The following GRIA2 variants were observed in gnomAD, a reference collection of about 807,000 sequenced individuals.
The protein encoded by GRIA2 is glutamate receptor 2.
Under a neutral mutation model 97.3 loss-of-function variants are expected in GRIA2, and 14 were observed. The ratio of observed to expected loss-of-function variants is 0.14; its 90% CI spans 0.10 to 0.23. The LOEUF (loss-of-function observed/expected upper bound fraction) is 0.23. GRIA2 is among the 10% of genes least tolerant of loss of function. GRIA2 has a pLI of 1.00. For synonymous variants in GRIA2, 412 were observed against 387.8 expected (o/e 1.06, Z -0.73); for missense variants, 558 against 1,069.8 (o/e 0.52, Z 6.67).
intron 2 of GRIA2, among the ~76,000 whole-genome samples, chr4:157,243,939 C>T (rs1356352384): frequency 6.6e-6 from 1 of 150,688 alleles, no homozygotes; most frequent in Non-Finnish European, 1.5e-5. Context: ...GAAAAAAAAG[C>T]AGAAAAAAAA....
chr4:157,298,716 A>T (rs62331544), intron 2 of GRIA2, among the ~76,000 whole-genome samples: 11,004 of 147,652 alleles, frequency 0.075, 513 homozygotes, highest in Non-Finnish European at 0.1. Context: ...AACATAGTAG[A>T]TAAAATTCCG....
intron 2 of GRIA2, among the ~76,000 whole-genome samples, chr4:157,279,466 A>G (rs1732496055): frequency 6.6e-6 from 1 of 152,156 alleles, no homozygotes; most frequent in Non-Finnish European, 1.5e-5. Flanking sequence ...GGCAAAGTAC[A>G]GAGAATTTTT....
rs528147969 is a variant in GRIA2, at chr4:157,321,041, A to G, written c.721-397A>G. ...TTCAAACAGGAGTAACTTGCTCACAAGGTTGTAGTTCTTCGAGAACTACTT... is the reference window on the plus strand; with the variant it reads ...TTCAAACAGGAGTAACTTGCTCACAGGGTTGTAGTTCTTCGAGAACTACTT... On this transcript the variant is annotated intron_variant, in intron 5 of 15. Transcript: ENST00000264426. Among the ~76,000 whole-genome samples, 38 of 152,286 alleles carry G rather than the reference A, an allele frequency of 2.5e-4. 1 individual carries two copies. In the East Asian group the frequency reaches 7.1e-3, roughly 29 times the overall value.
At chr4:157,315,110 T>C (rs28631667) in intron 4 of GRIA2, among the ~76,000 whole-genome samples, 375 of 152,314 alleles carry the variant, frequency 2.5e-3, no homozygotes, top group African/African-American at 8.6e-3. Flanking sequence ...ATTTATTTGT[T>C]CAGTAAATAT....
At chr4:157,263,078 G>A (rs960187997) in intron 2 of GRIA2, among the ~76,000 whole-genome samples, 1 of 152,148 alleles carries the variant, frequency 6.6e-6, no homozygotes, top group Non-Finnish European at 1.5e-5. Context: ...GGTAAGCTAC[G>A]AATAGCAGGA....
At chr4:157,321,772 C>T (rs1229148075) in intron 6 of GRIA2, among the ~76,000 whole-genome samples, 173 bp downstream of exon 6, 1 of 152,078 alleles carries the variant, frequency 6.6e-6, no homozygotes, top group Non-Finnish European at 1.5e-5. Flanking sequence ...TTAAGTAAAG[C>T]TATTAGAGCT....
At chr4:157,362,267 A>C (rs1395062014) in intron 14 of GRIA2, 4 of 392,618 alleles carry the variant, frequency 1.0e-5, no homozygotes, top group East Asian at 7.3e-5. Context: ...ATTGCAGGAT[A>C]ACTTCCTGAA....
chr4:157,274,827 T>C (rs1732209696), intron 2 of GRIA2, among the ~76,000 whole-genome samples: 1 of 152,024 alleles, frequency 6.6e-6, no homozygotes, highest in Admixed American at 6.6e-5. Context: ...GCAATAAACA[T>C]ACGTATGCAT....
chr4:157,299,135 G>T (rs778830512), intron 2 of GRIA2, among the ~76,000 whole-genome samples: 7 of 152,096 alleles, frequency 4.6e-5, no homozygotes, highest in Non-Finnish European at 7.4e-5. Context: ...GAAAGGGAAA[G>T]AATTTTAAGA....
intron 4 of GRIA2, among the ~76,000 whole-genome samples, chr4:157,313,490 G>C (rs1042672230): frequency 6.6e-6 from 1 of 152,080 alleles, no homozygotes; most frequent in Non-Finnish European, 1.5e-5. Flanking sequence ...ACTGACACCA[G>C]TGATAAGGAT....
intron 2 of GRIA2, among the ~76,000 whole-genome samples, chr4:157,278,161 A>G (rs1044381054): frequency 1.3e-4 from 20 of 151,678 alleles, no homozygotes; most frequent in Non-Finnish European, 2.8e-4. Context: ...AGAATTGCCA[A>G]CACAATATTA....
chr4:157,327,664 T>C (rs1734864801), intron 6 of GRIA2, among the ~76,000 whole-genome samples: 1 of 152,130 alleles, frequency 6.6e-6, no homozygotes, highest in South Asian at 2.1e-4. Flanking sequence ...TTGTTCAACT[T>C]TTGTGTCTTC....
intron 2 of GRIA2, among the ~76,000 whole-genome samples, chr4:157,275,568 G>A (rs1560741791): frequency 6.6e-6 from 1 of 152,110 alleles, no homozygotes; most frequent in Non-Finnish European, 1.5e-5. Flanking sequence ...AAGGGATCCA[G>A]TTTCAGCTTT....
chr4:157,284,708 A>T (rs1732760837), intron 2 of GRIA2, among the ~76,000 whole-genome samples: 1 of 151,728 alleles, frequency 6.6e-6, no homozygotes, highest in Non-Finnish European at 1.5e-5. Flanking sequence ...TTATGCAAGC[A>T]GATTGACTAT....
At chr4:157,251,970 G>A (rs1238605360) in intron 2 of GRIA2, among the ~76,000 whole-genome samples, 1 of 152,044 alleles carries the variant, frequency 6.6e-6, no homozygotes, top group East Asian at 1.9e-4. Context: ...TCAAGACATA[G>A]TTTGCCTTTT....
In GRIA2 at chr4:157,361,078, G is replaced by A; in HGVS notation, c.2360G>A (p.Trp787Ter). 6.2e-7 allele frequency: 1 copy of A among 1,613,732 alleles called. No individual in the cohort carries two copies. Among genetic ancestry groups the A allele is most frequent in the Non-Finnish European group, 8.5e-7 (1 of 1,179,672 alleles). Reference sequence around the variant, plus strand: ...CTGTTGGACAAATTGAAAAACAAATGGTGGTACGACAAAGGAGAGTGCGGC... The same window carrying A: ...CTGTTGGACAAATTGAAAAACAAATAGTGGTACGACAAAGGAGAGTGCGGC... ...QGLLDKLKNK[W>*]WYDKGECGSG... The change falls in exon 14 of 16, where the codon TGG (tryptophan) becomes TAG (stop). Residue 787 changes from tryptophan to a stop codon, truncating the protein, a stop_gained. Transcript: ENST00000264426. LOFTEE classifies it high-confidence loss of function. This position sits in a 1 kb window ranked among gnomAD's most constrained non-coding sequence, Gnocchi z 5.2.
chr4:157,318,186 T>A (rs930524689), intron 5 of GRIA2, among the ~76,000 whole-genome samples: 2 of 152,094 alleles, frequency 1.3e-5, no homozygotes, highest in African/African-American at 4.8e-5. Flanking sequence ...CTCAAAAATA[T>A]TTAAAGTTTA....
At chr4:157,355,999 TTA>T (rs1173083676) in intron 12 of GRIA2, among the ~76,000 whole-genome samples, 1 of 101,992 alleles carries the variant, frequency 9.8e-6, no homozygotes, top group Admixed American at 1.5e-4. Flanking sequence ...TTATATATAT[TTA>T]TATATGTATT....
intron 6 of GRIA2, among the ~76,000 whole-genome samples, chr4:157,331,948 C>A (rs1735067256): frequency 6.6e-6 from 1 of 151,928 alleles, no homozygotes; most frequent in Non-Finnish European, 1.5e-5. Context: ...GCATTTTTTT[C>A]TCCCAAGCTT....
Sources: gnomAD v4.1 joint callset for allele counts (sites outside exome capture counted in the v4.1 genomes callset) on GRCh38, gnomAD v4.1.1 for gene constraint, Gnocchi (gnomAD v3.1) non-coding constraint, MANE v1.5 for transcripts, NCBI Gene and HGNC (gene_info 2026-07-23, HGNC 2026-07-21) for gene names.